Variants in ESR1 observed in about 807,000 individuals in gnomAD.
ESR1 encodes the protein estrogen receptor 1, also known as estrogen receptor.
A neutral mutation model predicts 52.7 loss-of-function variants in ESR1; 12 were observed. The observed-to-expected ratio is 0.23, with a 90% CI of 0.15 to 0.37. ESR1 has a LOEUF of 0.37. Ranked by LOEUF, ESR1 falls within the 10% of genes least tolerant of loss-of-function variation. The pLI is 1.00. For missense variants in ESR1, 584 were observed against 779.7 expected (o/e 0.75, Z 2.99); for synonymous variants, 305 against 316.8 (o/e 0.96, Z 0.39).
chr6:151,699,188 G>C (rs1250592469), intron 1 of ESR1, among the ~76,000 whole-genome samples: 1 of 152,138 alleles, frequency 6.6e-6, no homozygotes, highest in African/African-American at 2.4e-5. Flanking sequence ...ACTTGGAATA[G>C]AAGTGAAATT....
intron 4 of ESR1, among the ~76,000 whole-genome samples, chr6:151,967,477 T>A (rs1254364537): frequency 6.6e-6 from 1 of 152,200 alleles, no homozygotes; most frequent in South Asian, 2.1e-4. Flanking sequence ...GAATGATGGT[T>A]TCCAACTTCA....
chr6:151,697,637 T>G (rs1779456563), intron 1 of ESR1, among the ~76,000 whole-genome samples: 1 of 152,228 alleles, frequency 6.6e-6, no homozygotes, highest in Admixed American at 6.5e-5. Context: ...TTTTTTATAT[T>G]TATTAAATAG....
chr6:151,796,831 A>T (rs1776757850), intron 2 of ESR1, among the ~76,000 whole-genome samples: 1 of 152,226 alleles, frequency 6.6e-6, no homozygotes, highest in Admixed American at 6.5e-5. Context: ...AGAACTGGTG[A>T]TCATGTTCAC....
intron 5 of ESR1, among the ~76,000 whole-genome samples, chr6:152,020,842 T>C (rs2043582995): frequency 6.6e-6 from 1 of 152,144 alleles, no homozygotes; most frequent in African/African-American, 2.4e-5. Context: ...AATTTGCAAT[T>C]GTTTTTATTT....
At chr6:151,896,896 T>C (rs1432163876) in intron 3 of ESR1, among the ~76,000 whole-genome samples, 1 of 152,178 alleles carries the variant, frequency 6.6e-6, no homozygotes, top group Non-Finnish European at 1.5e-5. Flanking sequence ...TATTGTTCAA[T>C]TCGAAGAATT....
At chr6:151,778,496 C>G (rs1786231498) in intron 2 of ESR1, among the ~76,000 whole-genome samples, 1 of 151,538 alleles carries the variant, frequency 6.6e-6, no homozygotes, top group Non-Finnish European at 1.5e-5. Context: ...ACCTCCACCT[C>G]CCAGGTTCTA....
chr6:151,689,665 G>A (rs951903536), upstream of ESR1, among the ~76,000 whole-genome samples: 2 of 152,010 alleles, frequency 1.3e-5, no homozygotes, highest in Non-Finnish European at 2.9e-5. Flanking sequence ...CTGGGTACTG[G>A]GACAGAGAGA....
intron 3 of ESR1, among the ~76,000 whole-genome samples, chr6:151,888,834 G>A (rs1794276076): frequency 6.6e-6 from 1 of 151,670 alleles, no homozygotes; most frequent in South Asian, 2.1e-4. Context: ...TTGTGTTGAG[G>A]TACACTCTTT....
At chr6:151,990,119 T>C (rs1562639497) in intron 4 of ESR1, among the ~76,000 whole-genome samples, 4 of 152,088 alleles carry the variant, frequency 2.6e-5, no homozygotes. Flanking sequence ...TTAATAAATA[T>C]AAGTTTATTG....
At chr6:152,127,173 C>T (rs2053754172) in exon 7 of ESR1, 1 of 152,110 alleles carries the variant, frequency 6.6e-6, no homozygotes, top group Non-Finnish European at 1.5e-5. Flanking sequence ...AGCTCTAAAA[C>T]CATTGTTTAA....
At chr6:152,073,445 A>G (rs1562754944) in intron 6 of ESR1, among the ~76,000 whole-genome samples, 2 of 152,366 alleles carry the variant, frequency 1.3e-5, no homozygotes, top group Non-Finnish European at 1.5e-5. Flanking sequence ...CCAAGAAATC[A>G]TAATTTCACC....
chr6:151,690,842 A>C (rs1426694097), intron 1 of ESR1, among the ~76,000 whole-genome samples: 1 of 152,198 alleles, frequency 6.6e-6, no homozygotes, highest in African/African-American at 2.4e-5. Context: ...GGGATGATAA[A>C]ATGTGAAATC....
chr6:151,786,953 A>G (rs548007294), intron 2 of ESR1, among the ~76,000 whole-genome samples: 16 of 152,184 alleles, frequency 1.1e-4, no homozygotes, highest in Admixed American at 3.9e-4. Context: ...TGGATTACAC[A>G]TGTGCACCAC....
intron 1 of ESR1, among the ~76,000 whole-genome samples, chr6:151,830,482 G>T (rs1782223041): frequency 6.6e-6 from 1 of 152,156 alleles, no homozygotes; most frequent in African/African-American, 2.4e-5. Context: ...TTTTAAAAAA[G>T]AAGATGTGGT....
chr6:151,808,471 G>A, intron 1 of ESR1, 107 bp downstream of exon 1: 8 of 1,069,872 alleles, frequency 7.5e-6, no homozygotes, highest in Non-Finnish European at 9.9e-6. Flanking sequence ...GCCGCGGGAC[G>A]CGCGACCCGA....
At chr6:151,949,008 T>A (rs1255382318) in intron 4 of ESR1, among the ~76,000 whole-genome samples, 6 of 152,248 alleles carry the variant, frequency 3.9e-5, no homozygotes. Context: ...CTCTGAGCCC[T>A]GTTACAGCTC....
At chr6:151,836,534 A>G (rs939775180) in intron 1 of ESR1, among the ~76,000 whole-genome samples, 28 of 152,336 alleles carry the variant, frequency 1.8e-4, no homozygotes, top group African/African-American at 6.7e-4. Flanking sequence ...TGGAAGCTAC[A>G]ATTCAAGATA....
upstream of ESR1, among the ~76,000 whole-genome samples, chr6:151,687,164 T>G (rs1189815467): frequency 1.3e-5 from 2 of 152,206 alleles, no homozygotes; most frequent in African/African-American, 4.8e-5. Context: ...GGCCAGTCTA[T>G]AGTTTGGCTG....
chr6:152,023,584 A>C (rs931438425), intron 5 of ESR1, among the ~76,000 whole-genome samples: 3 of 152,240 alleles, frequency 2.0e-5, no homozygotes, highest in African/African-American at 7.2e-5. Context: ...TATCATCTAA[A>C]AAACAGTTCT....
Sources: gnomAD v4.1 joint callset for allele counts (sites outside exome capture counted in the v4.1 genomes callset) on GRCh38, gnomAD v4.1.1 for gene constraint, MANE v1.5 for transcripts, NCBI Gene and HGNC (gene_info 2026-07-23, HGNC 2026-07-21) for gene names.